TNIK: variants seen among roughly 807,000 people sequenced by gnomAD.
TNIK encodes the protein TRAF2 and NCK-interacting protein kinase.
A neutral mutation model predicts 191.3 loss-of-function variants in TNIK; 49 were observed. That is an observed-to-expected ratio of 0.26 (90% CI 0.20 to 0.32). The LOEUF is 0.32. Among genes scored for constraint, TNIK ranks in the 10% least tolerant of loss-of-function variants. TNIK has a pLI of 1.00. For missense variants in TNIK, 1,155 were observed against 1,702.3 expected (o/e 0.68, Z 5.66); for synonymous variants, 594 against 600.9 (o/e 0.99, Z 0.17).
At chr3:171,161,208 G>T in intron 11 of TNIK, 62 bp downstream of exon 11, 1 of 1,541,136 alleles carries the variant, frequency 6.5e-7, no homozygotes, top group Non-Finnish European at 8.9e-7. Flanking sequence ...AAAGGAAAGT[G>T]AATTTCACAC....
intron 1 of TNIK, among the ~76,000 whole-genome samples, chr3:171,455,923 A>T (rs2108742770): frequency 6.6e-6 from 1 of 152,344 alleles, no homozygotes; most frequent in African/African-American, 2.4e-5. Flanking sequence ...ACGGTTTAGT[A>T]AAGAAGCAGA....
At chr3:171,064,061 C>A (rs537051675) in intron 32 of TNIK, 97 bp from the exon 33 acceptor site, 3 of 1,161,292 alleles carry the variant, frequency 2.6e-6, no homozygotes, top group African/African-American at 3.1e-5. Flanking sequence ...CCTATCCTTG[C>A]CATGTGTCAG....
chr3:171,306,494 G>A (rs1753468591), intron 2 of TNIK, among the ~76,000 whole-genome samples: 1 of 152,132 alleles, frequency 6.6e-6, no homozygotes, highest in South Asian at 2.1e-4. Context: ...AAAGTAGGAA[G>A]GCAGGTTATA....
intron 1 of TNIK, among the ~76,000 whole-genome samples, chr3:171,456,966 C>T (rs1318645203): frequency 6.6e-6 from 1 of 152,230 alleles, no homozygotes; most frequent in Non-Finnish European, 1.5e-5. Flanking sequence ...GAACAACTTA[C>T]TTCACGCCTC....
intron 2 of TNIK, among the ~76,000 whole-genome samples, chr3:171,341,583 G>A (rs1757537014): frequency 6.8e-6 from 1 of 147,518 alleles, no homozygotes; most frequent in Admixed American, 6.8e-5. Context: ...TTAAGTAAGA[G>A]AATAATAGTA....
At chr3:171,173,222 A>T (rs1735547388) in intron 9 of TNIK, among the ~76,000 whole-genome samples, 1 of 137,654 alleles carries the variant, frequency 7.3e-6, no homozygotes, top group African/African-American at 2.9e-5. Flanking sequence ...GTCTCTACTA[A>T]AAAAAAAAAA....
chr3:171,267,318 C>T (rs1216559193), intron 2 of TNIK, among the ~76,000 whole-genome samples: 1 of 152,090 alleles, frequency 6.6e-6, no homozygotes, highest in African/African-American at 2.4e-5. Context: ...CAATACAGTA[C>T]CAAAGAATTC....
intron 2 of TNIK, among the ~76,000 whole-genome samples, chr3:171,288,516 A>G (rs1577361291): frequency 6.6e-6 from 1 of 152,098 alleles, no homozygotes; most frequent in African/African-American, 2.4e-5. Context: ...TGCTTCAAGA[A>G]GTCAATGGCT....
At chr3:171,377,360 A>G (rs537904987) in intron 1 of TNIK, among the ~76,000 whole-genome samples, 1 of 152,286 alleles carries the variant, frequency 6.6e-6, no homozygotes, top group Admixed American at 6.5e-5. Context: ...GCCAGCAGTG[A>G]CACTGCTTTA....
intron 3 of TNIK, among the ~76,000 whole-genome samples, chr3:171,217,686 T>C (rs1308901103): frequency 6.6e-6 from 1 of 152,196 alleles, no homozygotes; most frequent in African/African-American, 2.4e-5. Context: ...TGAAGCTTAC[T>C]ACAGTTTAGT....
At chr3:171,199,895 AAG>A (rs1267393277) in intron 4 of TNIK, among the ~76,000 whole-genome samples, 2 of 152,248 alleles carry the variant, frequency 1.3e-5, no homozygotes, top group Non-Finnish European at 2.9e-5. Context: ...TGCGAAAAGA[AAG>A]AGTTTCTGAC....
chr3:171,330,284 G>A (rs1280854165), intron 2 of TNIK, among the ~76,000 whole-genome samples: 2 of 152,044 alleles, frequency 1.3e-5, no homozygotes, highest in Non-Finnish European at 2.9e-5. Context: ...AAATATTTTC[G>A]GCTGCTTTGG....
chr3:171,300,268 C>A (rs1752737568), intron 2 of TNIK, among the ~76,000 whole-genome samples: 1 of 152,174 alleles, frequency 6.6e-6, no homozygotes, highest in African/African-American at 2.4e-5. Context: ...ACCACAGCAG[C>A]ATTCTCTGTT....
At chr3:171,068,726 A>G (rs868028887) in intron 30 of TNIK, 122 bp downstream of exon 30, 1 of 975,408 alleles carries the variant, frequency 1.0e-6, no homozygotes, top group Non-Finnish European at 1.4e-6. Flanking sequence ...ATGAAGAACG[A>G]AAGTCCATTT....
At chr3:171,120,622 T>G (rs973367285) in intron 18 of TNIK, among the ~76,000 whole-genome samples, 2 of 152,198 alleles carry the variant, frequency 1.3e-5, no homozygotes, top group South Asian at 4.2e-4. Flanking sequence ...CCCGGCCTCT[T>G]TTTTTAAAAA....
rs376297453 is a variant in TNIK at position 171,101,671 on chromosome 3, A to C, written c.2407-38T>G. 150 of 1,597,750 alleles carry C rather than the reference A, an allele frequency of 9.4e-5. No homozygotes were observed. The Middle Eastern group carries it at 1.4e-3, about 15-fold the overall frequency. ...AATTTGTTCAGCATATGAGTGGTAG[A>C]TACGACCAAAGCTACATCTCTCAGC... On this transcript the variant is annotated intron_variant, in intron 21 of 32. Coordinates refer to ENST00000436636, the MANE Select transcript of TNIK (RefSeq NM_015028.4).
At chr3:171,282,341 G>GT (rs869305605) in intron 2 of TNIK, among the ~76,000 whole-genome samples, 2,186 of 79,928 alleles carry the variant, frequency 0.027, 57 homozygotes, top group African/African-American at 0.073. Context: ...ATGGTTTTTT[G>GT]TTTTTTTTTT....
intron 7 of TNIK, among the ~76,000 whole-genome samples, chr3:171,186,745 G>C (rs762282963): frequency 1.3e-5 from 2 of 152,090 alleles, no homozygotes; most frequent in Non-Finnish European, 2.9e-5. Flanking sequence ...TTATAGCCAG[G>C]TGAGCCTTCC....
chr3:171,160,628 T>C (rs1733867058), intron 11 of TNIK, among the ~76,000 whole-genome samples: 1 of 151,970 alleles, frequency 6.6e-6, no homozygotes, highest in African/African-American at 2.4e-5. Flanking sequence ...CTAACCTTAA[T>C]TACTTATAAA....
Sources: allele counts gnomAD v4.1 joint callset (sites outside exome capture counted in the v4.1 genomes callset), GRCh38; gene constraint gnomAD v4.1.1; transcripts MANE v1.5; gene names NCBI Gene and HGNC (gene_info 2026-07-23, HGNC 2026-07-21).